Variants in GALNT1 observed in about 807,000 individuals in gnomAD.
GALNT1 encodes the protein GalNAc transferase 1.
A neutral mutation model predicts 65.7 loss-of-function variants in GALNT1; 17 were observed. The observed-to-expected ratio is 0.26, with a 90% CI of 0.18 to 0.39. The LOEUF is 0.39. Ranked by LOEUF, GALNT1 falls within the 10% of genes least tolerant of loss-of-function variation. The pLI, the probability that GALNT1 is intolerant of heterozygous loss-of-function variation, is 1.00. For missense variants in GALNT1, 460 were observed against 672.8 expected (o/e 0.68, Z 3.50); for synonymous variants, 210 against 219.7 (o/e 0.96, Z 0.39).
intron 3 of GALNT1, among the ~76,000 whole-genome samples, chr18:35,668,407 A>T (rs1481178385): frequency 6.6e-6 from 1 of 152,252 alleles, no homozygotes; most frequent in Non-Finnish European, 1.5e-5. Context: ...AACATCGAGT[A>T]TAGAGGCTCA....
intron 4 of GALNT1, among the ~76,000 whole-genome samples, chr18:35,678,607 T>C (rs1010352557): frequency 3.3e-5 from 5 of 152,212 alleles, no homozygotes; most frequent in African/African-American, 1.2e-4. Flanking sequence ...TTAGGAATCA[T>C]TGGTGTCATG....
intron 9 of GALNT1, among the ~76,000 whole-genome samples, chr18:35,693,310 C>T (rs550193234): frequency 9.2e-5 from 14 of 152,206 alleles, no homozygotes; most frequent in Admixed American, 2.6e-4. Flanking sequence ...TAGCGCGTTC[C>T]AGAAACAGCA....
At chr18:35,611,191 T>C (rs557339865) in intron 1 of GALNT1, among the ~76,000 whole-genome samples, 1 of 152,256 alleles carries the variant, frequency 6.6e-6, no homozygotes, top group South Asian at 2.1e-4. Flanking sequence ...GGTGGAGCTG[T>C]TTTGGTTAAA....
chr18:35,635,155 A>G (rs2047072842), intron 1 of GALNT1, among the ~76,000 whole-genome samples: 1 of 152,158 alleles, frequency 6.6e-6, no homozygotes, highest in Non-Finnish European at 1.5e-5. Flanking sequence ...TAGAGTGGGT[A>G]GGCATAGGCT....
chr18:35,641,251 C>T (rs774059921), intron 1 of GALNT1, among the ~76,000 whole-genome samples: 7 of 152,106 alleles, frequency 4.6e-5, no homozygotes, highest in Non-Finnish European at 7.4e-5. Context: ...ATGAGACCAG[C>T]CTGGCCAATA....
intron 3 of GALNT1, among the ~76,000 whole-genome samples, chr18:35,669,719 C>A (rs879775509): frequency 1.3e-5 from 2 of 152,102 alleles, no homozygotes; most frequent in African/African-American, 2.4e-5. Context: ...ACCCTCCCAG[C>A]AAATATCTAT....
At chr18:35,647,858 T>A (rs2047251371) in intron 1 of GALNT1, among the ~76,000 whole-genome samples, 2 of 152,034 alleles carry the variant, frequency 1.3e-5, no homozygotes, top group Non-Finnish European at 2.9e-5. Context: ...TACTGATTAA[T>A]CTTTGGGAAA....
intron 1 of GALNT1, among the ~76,000 whole-genome samples, chr18:35,592,783 T>C (rs1056542902): frequency 2.0e-5 from 3 of 152,152 alleles, no homozygotes; most frequent in Non-Finnish European, 4.4e-5. Flanking sequence ...GATCAGGCTC[T>C]GGTGTTTGTC....
At chr18:35,636,798 T>G (rs966502969) in intron 1 of GALNT1, among the ~76,000 whole-genome samples, 6 of 149,686 alleles carry the variant, frequency 4.0e-5, no homozygotes, top group African/African-American at 7.4e-5. Context: ...TTTTTTTTTT[T>G]TTTTTTTTTT....
At chr18:35,631,922 C>G (rs2047017692) in intron 1 of GALNT1, among the ~76,000 whole-genome samples, 1 of 152,070 alleles carries the variant, frequency 6.6e-6, no homozygotes, top group Admixed American at 6.6e-5. Context: ...AACAGACAGC[C>G]AAATCATGAG....
Position 35,687,034 on chromosome 18 carries a change from C to T in GALNT1, c.708C>T (p.Pro236=), listed in dbSNP as rs773285501. 1 of 1,612,610 alleles carries T rather than the reference C, an allele frequency of 6.2e-7. No individual in the cohort carries two copies. Among genetic ancestry groups the T allele is most frequent in the African/African-American group, 1.3e-5 (1 of 74,956 alleles). ...ACATCAGGAGAACAGTGGTGTGTCC[C>T]ATCATCGATGTGATCAGTGATGATA... ...IKHDRRTVVC[P]IIDVISDDTF... is the part of the protein sequence containing the mutation. Residue 236 remains proline, a synonymous_variant, in exon 6 of 12, where the codon CCC becomes CCT. Transcript: ENST00000269195.
chr18:35,688,555 A>G (rs950553560), intron 6 of GALNT1, among the ~76,000 whole-genome samples: 4 of 152,200 alleles, frequency 2.6e-5, no homozygotes, highest in African/African-American at 7.2e-5. Flanking sequence ...TTGATGAATT[A>G]GACTCCTCTT....
chr18:35,615,876 G>A (rs1036095036), intron 1 of GALNT1, among the ~76,000 whole-genome samples: 2 of 152,172 alleles, frequency 1.3e-5, no homozygotes, highest in East Asian at 1.9e-4. Context: ...CTACTCCATG[G>A]CAGAGGTTGG....
At chr18:35,624,062 C>T (rs2046887821) in intron 1 of GALNT1, among the ~76,000 whole-genome samples, 1 of 152,178 alleles carries the variant, frequency 6.6e-6, no homozygotes, top group African/African-American at 2.4e-5. Flanking sequence ...CAAATTCTGC[C>T]TCCCTGGCAT....
chr18:35,654,457 A>G (rs1175282385), intron 1 of GALNT1, 103 bp from the exon 2 acceptor site: 5 of 181,418 alleles, frequency 2.8e-5, no homozygotes, highest in Non-Finnish European at 4.5e-5. Context: ...AATGAAATTA[A>G]TAATTCATAT....
At chr18:35,614,197 T>A (rs999665719) in intron 1 of GALNT1, among the ~76,000 whole-genome samples, 1 of 152,018 alleles carries the variant, frequency 6.6e-6, no homozygotes, top group African/African-American at 2.4e-5. Context: ...CAAAAGACTA[T>A]CAAAAATAAT....
intron 1 of GALNT1, among the ~76,000 whole-genome samples, chr18:35,638,181 T>A (rs1263877802): frequency 6.6e-6 from 1 of 152,192 alleles, no homozygotes; most frequent in Non-Finnish European, 1.5e-5. Context: ...GACTGTCAAG[T>A]CTTATTTAAG....
intron 1 of GALNT1, among the ~76,000 whole-genome samples, chr18:35,602,779 T>C (rs935662904): frequency 3.3e-5 from 5 of 152,220 alleles, no homozygotes; most frequent in Non-Finnish European, 5.9e-5. Flanking sequence ...TGGAGCTTGC[T>C]GATTTCCCAT....
chr18:35,620,616 T>A (rs2046838503), intron 1 of GALNT1, among the ~76,000 whole-genome samples: 1 of 152,228 alleles, frequency 6.6e-6, no homozygotes, highest in South Asian at 2.1e-4. Context: ...TATTTTAATA[T>A]GTTTTAAAGC....
Sources: allele counts gnomAD v4.1 joint callset (sites outside exome capture counted in the v4.1 genomes callset), GRCh38; gene constraint gnomAD v4.1.1; transcripts MANE v1.5; gene names NCBI Gene and HGNC (gene_info 2026-07-23, HGNC 2026-07-21).